The following PTPRT variants were observed in gnomAD, a reference collection of about 807,000 sequenced individuals.
PTPRT encodes receptor-type tyrosine-protein phosphatase T.
Under a neutral mutation model 176.8 loss-of-function variants are expected in PTPRT, and 56 were observed. The ratio of observed to expected loss-of-function variants is 0.32; its 90% confidence interval spans 0.26 to 0.40. The LOEUF (loss-of-function observed/expected upper bound fraction) is 0.40, where lower values mean the gene tolerates loss of function less well. Ranked by LOEUF, PTPRT falls within the 10% of genes least tolerant of loss-of-function variation. The pLI is 1.00. For missense variants in PTPRT, 1,540 were observed against 1,908.2 expected, an observed-to-expected ratio of 0.81 and a Z score of 3.60; for synonymous variants, 783 against 739.0, an observed-to-expected ratio of 1.06 and a Z score of -0.96.
At chr20:42,521,965 G>A (rs1038715690) in intron 7 of PTPRT, among the ~76,000 whole-genome samples, 11 of 152,094 alleles carry the variant, frequency 7.2e-5, no homozygotes, top group Admixed American at 1.3e-4. Context: ...CCAGGTTGGT[G>A]TTCTCAAGTA....
chr20:42,800,109 AT>A (rs1207531026), intron 2 of PTPRT, among the ~76,000 whole-genome samples: 2 of 152,218 alleles, frequency 1.3e-5, no homozygotes, highest in Admixed American at 6.5e-5. Context: ...CATTTGTTTA[AT>A]TCTTATATCA....
chr20:42,520,300 C>T (rs887268080), intron 7 of PTPRT, among the ~76,000 whole-genome samples: 6 of 151,998 alleles, frequency 3.9e-5, no homozygotes, highest in South Asian at 4.1e-4. Flanking sequence ...CAAATAGTCT[C>T]GACATCAGCA....
chr20:42,698,614 A>T (rs6102994), intron 6 of PTPRT, among the ~76,000 whole-genome samples: 11,734 of 152,242 alleles, frequency 0.077, 508 homozygotes, highest in South Asian at 0.16. Flanking sequence ...CTTACCAATG[A>T]AATCAGAATC....
At chr20:42,425,259 G>A (rs1482017484) in intron 9 of PTPRT, among the ~76,000 whole-genome samples, 1 of 152,096 alleles carries the variant, frequency 6.6e-6, no homozygotes, top group African/African-American at 2.4e-5. Context: ...TCATTGCAAT[G>A]ACAAAAATAC....
At chr20:42,062,921 G>A in the PTPRT span, among the ~76,000 whole-genome samples, 3 of 152,284 alleles carry the variant, frequency 2.0e-5, no homozygotes, top group Admixed American at 6.5e-5. Flanking sequence ...CAGGTAAGAC[G>A]GCTCACTTCT....
intron 1 of PTPRT, among the ~76,000 whole-genome samples, chr20:43,000,107 A>C (rs895624944): frequency 1.1e-4 from 16 of 149,430 alleles, no homozygotes; most frequent in Non-Finnish European, 5.9e-5. Flanking sequence ...GGGAATAAAA[A>C]CCTGCCAAAG....
chr20:42,892,993 G>C (rs1421895735), intron 1 of PTPRT, among the ~76,000 whole-genome samples: 1 of 152,124 alleles, frequency 6.6e-6, no homozygotes, highest in African/African-American at 2.4e-5. Flanking sequence ...GGTGAACCCA[G>C]GGGAGGCCTT....
chr20:42,117,770 T>A (rs1010793783), intron 21 of PTPRT, among the ~76,000 whole-genome samples: 1 of 152,208 alleles, frequency 6.6e-6, no homozygotes, highest in African/African-American at 2.4e-5. Flanking sequence ...CTTTAAAGTT[T>A]GGCAGAAAAG....
chr20:42,947,999 G>T (rs1336956613), intron 1 of PTPRT, among the ~76,000 whole-genome samples: 1 of 152,178 alleles, frequency 6.6e-6, no homozygotes, highest in Non-Finnish European at 1.5e-5. Flanking sequence ...ATGAATGAAT[G>T]AATGAATGAA....
chr20:43,002,376 C>A (rs1448230197), intron 1 of PTPRT, among the ~76,000 whole-genome samples: 1 of 152,076 alleles, frequency 6.6e-6, no homozygotes, highest in East Asian at 1.9e-4. Flanking sequence ...CGTAGGGGAT[C>A]TGATTAATAT....
chr20:42,442,974 C>T (rs2059331227), intron 9 of PTPRT, among the ~76,000 whole-genome samples: 2 of 152,328 alleles, frequency 1.3e-5, no homozygotes, highest in South Asian at 4.1e-4. Context: ...CACCCTTCTG[C>T]ACATCCACAC....
intron 9 of PTPRT, among the ~76,000 whole-genome samples, chr20:42,394,006 G>C (rs2058825343): frequency 6.6e-6 from 1 of 151,062 alleles, no homozygotes; most frequent in Non-Finnish European, 1.5e-5. Flanking sequence ...AAGGAGGAAG[G>C]TAAAAATGCA....
At chr20:43,161,545 T>C (rs1375762107) in intron 1 of PTPRT, among the ~76,000 whole-genome samples, 1 of 152,136 alleles carries the variant, frequency 6.6e-6, no homozygotes, top group Admixed American at 6.5e-5. Context: ...CAACTTTGAC[T>C]CAGAGTTTCA....
At chr20:42,618,105 C>T (rs2074116438) in intron 7 of PTPRT, among the ~76,000 whole-genome samples, 1 of 135,880 alleles carries the variant, frequency 7.4e-6, no homozygotes, top group South Asian at 2.3e-4. Context: ...CTACACACTG[C>T]TTTGAATGCG....
At chr20:42,499,776 T>G (rs1389886752) in intron 7 of PTPRT, among the ~76,000 whole-genome samples, 1 of 152,202 alleles carries the variant, frequency 6.6e-6, no homozygotes, top group Non-Finnish European at 1.5e-5. Flanking sequence ...ATATATGTAT[T>G]GAAAATAACC....
At chr20:42,517,354 T>C (rs2072087986) in intron 7 of PTPRT, among the ~76,000 whole-genome samples, 1 of 152,038 alleles carries the variant, frequency 6.6e-6, no homozygotes, top group Admixed American at 6.5e-5. Context: ...TTTATAATCG[T>C]ATTTTTTCAC....
At chr20:42,539,249 G>T (rs577435905) in intron 7 of PTPRT, among the ~76,000 whole-genome samples, 1 of 152,222 alleles carries the variant, frequency 6.6e-6, no homozygotes, top group South Asian at 2.1e-4. Flanking sequence ...TGAGGGTATA[G>T]ACTTAGGAAA....
chr20:42,631,577 C>G (rs544514031), intron 7 of PTPRT, among the ~76,000 whole-genome samples: 1 of 152,262 alleles, frequency 6.6e-6, no homozygotes, highest in African/African-American at 2.4e-5. Flanking sequence ...CCAATAACAT[C>G]TTCAGCTAAC....
intron 7 of PTPRT, among the ~76,000 whole-genome samples, chr20:42,581,101 A>G (rs1198747939): frequency 6.6e-6 from 1 of 152,116 alleles, no homozygotes; most frequent in Non-Finnish European, 1.5e-5. Flanking sequence ...CATTACAAGC[A>G]TGCTCCTGCC....
Sources: gnomAD v4.1 joint callset for allele counts (sites outside exome capture counted in the v4.1 genomes callset) on GRCh38, gnomAD v4.1.1 for gene constraint, MANE v1.5 for transcripts, NCBI Gene and HGNC (gene_info 2026-07-23, HGNC 2026-07-21) for gene names.